The following ATRX variants were observed in gnomAD, a reference collection of about 807,000 sequenced individuals.
The protein encoded by ATRX is ATRX chromatin remodeler.
In ATRX, 12 loss-of-function variants were observed where a neutral mutation model predicts 172.6. The observed-to-expected ratio is 0.07, with a 90% CI of 0.04 to 0.11. ATRX has a LOEUF of 0.11. Ranked by LOEUF, ATRX falls within the 10% of genes least tolerant of loss-of-function variation. The probability of loss-of-function intolerance (pLI) is 1.00; values close to 1 mark genes in which losing one functional copy is unlikely to be tolerated. For synonymous variants in ATRX, 674 were observed against 594.7 expected (o/e 1.13, Z -1.94); for missense variants, 1,368 against 1,767.4 (o/e 0.77, Z 4.05).
Position 77,514,172 on chromosome X carries a change from G to A in ATRX, c.7201-5543C>T, listed in dbSNP as rs1007204685. On this transcript the variant is annotated intron_variant, in intron 34 of 34. Coordinates refer to ENST00000373344, the MANE Select transcript of ATRX (RefSeq NM_000489.6). ...AGGAAGAATCAATATTGTTGAAATG[G>A]TCATACTGCCCAAAGCAATTTATAC... Among the ~76,000 whole-genome samples the A allele has an allele frequency of 2.7e-5, 3 of 112,015 alleles. 1 individual carries two copies. In the South Asian group the frequency reaches 1.1e-3, roughly 42 times the overall value.
At chrX:77,550,286 TC>T (rs1372874524) in intron 30 of ATRX, among the ~76,000 whole-genome samples, 1 of 111,956 alleles carries the variant, frequency 8.9e-6, no homozygotes, top group Non-Finnish European at 1.9e-5. Flanking sequence ...GTGGGCTTCA[TC>T]CCTGGGATGC....
At chrX:77,615,868 C>T (rs1569531112) in intron 22 of ATRX, 2 of 657,126 alleles carry the variant, frequency 3.0e-6, no homozygotes, top group East Asian at 3.3e-4. Context: ...AGAGCACCCT[C>T]TAACCTGTAT....
chrX:77,758,806 A>G (rs1484922590), intron 1 of ATRX, among the ~76,000 whole-genome samples: 4 of 111,845 alleles, frequency 3.6e-5, no homozygotes, highest in African/African-American at 1.3e-4. Flanking sequence ...CGAAATGGTT[A>G]CTGCTTTATA....
chrX:77,652,072 C>T, intron 15 of ATRX, 42 bp downstream of exon 15: 1 of 1,195,192 alleles, frequency 8.4e-7, no homozygotes, highest in Non-Finnish European at 1.1e-6. Flanking sequence ...GAGCAAGACC[C>T]TGTAGCTACA....
At chrX:77,721,005 T>A (rs1461852978) in intron 1 of ATRX, among the ~76,000 whole-genome samples, 1 of 112,053 alleles carries the variant, frequency 8.9e-6, no homozygotes, top group Admixed American at 9.5e-5. Context: ...ATCCCTGTGA[T>A]ACACAGCTGG....
At position 77,508,316 on chromosome X, in the gene ATRX, T is replaced by A; in HGVS notation, c.*35A>T. ...CCTAAAAAAATAAAAGATCTTTCTA[T>A]GATTTTAACAATCCATTAAGCTTTT... On this transcript the variant is annotated 3_prime_UTR_variant, in exon 35 of 35. Transcript: ENST00000373344. 3 of 1,197,837 alleles carry A rather than the reference T, an allele frequency of 2.5e-6. No individual in the cohort carries two copies. Among genetic ancestry groups the A allele is most frequent in the Non-Finnish European group, 3.4e-6 (3 of 883,045 alleles).
At position 77,633,401 on chromosome X, in the gene ATRX, A is replaced by C. The variant is rs782547859; in HGVS notation, c.4957-17T>G. On this transcript the variant is annotated splice_polypyrimidine_tract_variant and intron_variant, in intron 18 of 34. Transcript: ENST00000373344. ...TTCAGAAACCTTTTGTGGGGAAATAAAGATTTTTTTAAGTAGCTACTAAAA... is the reference window on the plus strand; with the variant it reads ...TTCAGAAACCTTTTGTGGGGAAATACAGATTTTTTTAAGTAGCTACTAAAA... 2 of 1,202,135 alleles carry C rather than the reference A, an allele frequency of 1.7e-6. No homozygotes were observed. Among genetic ancestry groups the C allele is most frequent in the Admixed American group, 4.4e-5 (2 of 45,203 alleles).
chrX:77,505,991 T>C lies in ATRX; in HGVS notation c.*2360A>G, dbSNP rs1213220227. The C allele has an allele frequency of 1.8e-5, 3 of 168,691 alleles. No homozygotes were observed. The highest frequency in any genetic ancestry group is 3.4e-5 in the Non-Finnish European group (3 of 87,852). 13.9% of individuals were successfully genotyped at this position (168,691 alleles called of 1,213,427 possible). On this transcript the variant is annotated 3_prime_UTR_variant, in exon 35 of 35. Transcript: ENST00000373344. ...TATGATTTCAGCAGCCAAAGCTGGATGATGGACTGAAACATTACTATACAA... is the reference window on the plus strand; with the variant it reads ...TATGATTTCAGCAGCCAAAGCTGGACGATGGACTGAAACATTACTATACAA...
intron 30 of ATRX, among the ~76,000 whole-genome samples, chrX:77,556,154 C>T (rs1052528496): frequency 5.3e-5 from 5 of 94,595 alleles, no homozygotes; most frequent in Non-Finnish European, 1.0e-4. Context: ...CCAGCCTGGG[C>T]GACACAGTGA....
chrX:77,652,903 T>C (rs1557117872), intron 14 of ATRX, among the ~76,000 whole-genome samples: 1 of 100,527 alleles, frequency 9.9e-6, no homozygotes, highest in African/African-American at 3.7e-5. Context: ...CAAAAGAAGA[T>C]ATAAGCATAT....
intron 2 of ATRX, among the ~76,000 whole-genome samples, chrX:77,704,600 G>A (rs2072714254): frequency 8.9e-6 from 1 of 112,126 alleles, no homozygotes; most frequent in African/African-American, 3.2e-5. Flanking sequence ...GCACCTGCAG[G>A]CCAGTGCTGA....
rs187434305 is a variant in ATRX, at chrX:77,705,413, G to A, written c.134-6784C>T. Among the ~76,000 whole-genome samples, 51 of 112,210 alleles carry A rather than the reference G, an allele frequency of 4.5e-4. No individual in the cohort carries two copies. The East Asian group carries it at 5.1e-3, about 11-fold the overall frequency. On this transcript the variant is annotated intron_variant, in intron 2 of 34. Coordinates refer to ENST00000373344, the MANE Select transcript of ATRX (RefSeq NM_000489.6). ...CTGGCTCCCACCAACTCTATAGACC[G>A]TGCAGCCCTGGCCACGTCTCCCTGC...
At chrX:77,522,536 C>A (rs879973406) in intron 31 of ATRX, 148 bp from the exon 32 acceptor site, 5 of 647,802 alleles carry the variant, frequency 7.7e-6, no homozygotes, top group East Asian at 3.7e-5. Flanking sequence ...CCTTTTCACC[C>A]GAAACCAAGA....
chrX:77,784,948 C>T lies in ATRX; in HGVS notation c.20+1034G>A, dbSNP rs371402874. Among the ~76,000 whole-genome samples, 6 of 111,974 alleles carry T rather than the reference C, an allele frequency of 5.4e-5. No homozygotes were observed. In the South Asian group the frequency reaches 1.5e-3, roughly 28 times the overall value. ...GATGCATCTCCGAGTAAAAAAATTACTTAATTCACATTGTGGGATGAAAAT... is the reference window on the plus strand; with the variant it reads ...GATGCATCTCCGAGTAAAAAAATTATTTAATTCACATTGTGGGATGAAAAT... On this transcript the variant is annotated intron_variant, in intron 1 of 34. Transcript: ENST00000373344.
At chrX:77,573,512 G>A (rs1260863910) in intron 28 of ATRX, among the ~76,000 whole-genome samples, 2 of 111,522 alleles carry the variant, frequency 1.8e-5, no homozygotes, top group Non-Finnish European at 3.8e-5. Context: ...AAATTGCCTT[G>A]TATCTACAGT....
chrX:77,766,547 C>G (rs1271121257), intron 1 of ATRX, among the ~76,000 whole-genome samples: 194 of 74,462 alleles, frequency 2.6e-3, no homozygotes, highest in Non-Finnish European at 3.2e-3. Context: ...CAGACGGGGT[C>G]GCAGCCGGGC....
intron 1 of ATRX, among the ~76,000 whole-genome samples, chrX:77,719,396 C>T (rs1441732709): frequency 9.0e-6 from 1 of 110,746 alleles, no homozygotes. Flanking sequence ...AAAACCACAA[C>T]AAGAAACCAA....
intron 10 of ATRX, among the ~76,000 whole-genome samples, chrX:77,669,777 T>C (rs958406441): frequency 9.0e-6 from 1 of 111,544 alleles, no homozygotes; most frequent in African/African-American, 3.3e-5. Flanking sequence ...CATATCCTTG[T>C]AACCTTGAAC....
At chrX:77,520,211 A>G (rs1227669787) in intron 34 of ATRX, among the ~76,000 whole-genome samples, 1 of 111,613 alleles carries the variant, frequency 9.0e-6, no homozygotes, top group Non-Finnish European at 1.9e-5. Flanking sequence ...GTACAAAAGT[A>G]TAGTTAGAAT....
Sources: gnomAD v4.1 joint callset for allele counts (sites outside exome capture counted in the v4.1 genomes callset) on GRCh38, gnomAD v4.1.1 for gene constraint, MANE v1.5 for transcripts, NCBI Gene and HGNC (gene_info 2026-07-23, HGNC 2026-07-21) for gene names.